The following FMNL2 variants were observed in gnomAD, a reference collection of about 807,000 sequenced individuals.
FMNL2 encodes the protein formin like 2.
A neutral mutation model predicts 130.2 loss-of-function variants in FMNL2; 51 were observed. That is an observed-to-expected ratio of 0.39 (90% CI 0.31 to 0.49). The LOEUF is 0.49. FMNL2 is among the 20% of genes least tolerant of loss of function. The probability of loss-of-function intolerance (pLI) is 0.85; values close to 1 mark genes in which losing one functional copy is unlikely to be tolerated. For missense variants in FMNL2, 977 were observed against 1,316.2 expected, an observed-to-expected ratio of 0.74 and a Z score of 3.99; for synonymous variants, 465 against 467.1, an observed-to-expected ratio of 1.00 and a Z score of 0.06.
intron 1 of FMNL2, among the ~76,000 whole-genome samples, chr2:152,463,053 A>G (rs1689334786): frequency 6.6e-6 from 1 of 152,214 alleles, no homozygotes; most frequent in Non-Finnish European, 1.5e-5. Flanking sequence ...TTCCTGGTAC[A>G]ACATATGATC....
chr2:152,428,018 C>T (rs940193992), intron 1 of FMNL2, among the ~76,000 whole-genome samples: 2 of 152,166 alleles, frequency 1.3e-5, no homozygotes, highest in Admixed American at 1.3e-4. Context: ...GGAAACTTTG[C>T]CATTGTCTTT....
chr2:152,533,005 T>C (rs1234104983), intron 2 of FMNL2, among the ~76,000 whole-genome samples: 3 of 152,246 alleles, frequency 2.0e-5, no homozygotes, highest in Non-Finnish European at 2.9e-5. Context: ...ACAGATACTT[T>C]GCAAATATTT....
chr2:152,575,063 G>A, intron 6 of FMNL2, 73 bp from the exon 7 acceptor site: 1 of 810,574 alleles, frequency 1.2e-6, no homozygotes, highest in Non-Finnish European at 2.0e-6. Flanking sequence ...GAAGAGTAGT[G>A]TCTGTTAAGT....
At chr2:152,557,588 A>AAAAC (rs1267523125) in intron 4 of FMNL2, among the ~76,000 whole-genome samples, 2 of 152,246 alleles carry the variant, frequency 1.3e-5, no homozygotes, top group African/African-American at 4.8e-5. Context: ...GCCAAAAATT[A>AAAAC]AAACAAACAA....
chr2:152,535,960 G>T (rs1490465329), intron 2 of FMNL2, among the ~76,000 whole-genome samples: 1 of 152,222 alleles, frequency 6.6e-6, no homozygotes, highest in Non-Finnish European at 1.5e-5. Context: ...TTTATTTTGG[G>T]GGAAACAATG....
At chr2:152,500,023 A>G (rs1215196432) in intron 1 of FMNL2, among the ~76,000 whole-genome samples, 2 of 152,144 alleles carry the variant, frequency 1.3e-5, no homozygotes, top group East Asian at 3.9e-4. Context: ...GAGATAGAGC[A>G]TTGACCCCTG....
intron 1 of FMNL2, among the ~76,000 whole-genome samples, chr2:152,351,976 C>T (rs1682513162): frequency 6.6e-6 from 1 of 152,144 alleles, no homozygotes; most frequent in Non-Finnish European, 1.5e-5. Flanking sequence ...GAAAGCAATT[C>T]TTATGCGTGT....
At chr2:152,425,785 G>A (rs1473180623) in intron 1 of FMNL2, among the ~76,000 whole-genome samples, 1 of 152,196 alleles carries the variant, frequency 6.6e-6, no homozygotes, top group Non-Finnish European at 1.5e-5. Context: ...TGAAGTCAAG[G>A]TGTAATGCCT....
chr2:152,591,087 G>A (rs2105776552), intron 9 of FMNL2, among the ~76,000 whole-genome samples: 1 of 134,962 alleles, frequency 7.4e-6, no homozygotes, highest in Non-Finnish European at 1.5e-5. Flanking sequence ...TCAGCTCACT[G>A]CAACCTCCGT....
At chr2:152,498,569 C>T (rs1395149064) in intron 1 of FMNL2, among the ~76,000 whole-genome samples, 1 of 152,108 alleles carries the variant, frequency 6.6e-6, no homozygotes, top group Admixed American at 6.5e-5. Flanking sequence ...TTTTACTCTT[C>T]CTTCTTCTAT....
intron 4 of FMNL2, among the ~76,000 whole-genome samples, chr2:152,554,125 C>G (rs1293554722): frequency 6.6e-6 from 1 of 152,096 alleles, no homozygotes; most frequent in Non-Finnish European, 1.5e-5. Context: ...TATTAAAATC[C>G]ATTGGCCAGG....
chr2:152,418,642 T>C (rs1686745256), intron 1 of FMNL2, among the ~76,000 whole-genome samples: 1 of 152,250 alleles, frequency 6.6e-6, no homozygotes, highest in Admixed American at 6.5e-5. Context: ...TTCATTCTTT[T>C]TTAAGGCTGA....
At chr2:152,504,392 A>G (rs888763518) in intron 1 of FMNL2, among the ~76,000 whole-genome samples, 1 of 151,978 alleles carries the variant, frequency 6.6e-6, no homozygotes. Flanking sequence ...GATTACAGGC[A>G]TGCACCACCA....
chr2:152,363,763 T>C (rs1683326032), intron 1 of FMNL2, among the ~76,000 whole-genome samples: 1 of 152,158 alleles, frequency 6.6e-6, no homozygotes, highest in African/African-American at 2.4e-5. Context: ...AGTTTCACCA[T>C]GTTGGCCAGC....
chr2:152,335,553 A>G lies in FMNL2; in HGVS notation c.-51A>G. The G allele has an allele frequency of 6.7e-7, 1 of 1,489,756 alleles. No homozygotes were observed. 92.3% of individuals were successfully genotyped at this position (1,489,756 alleles called of 1,614,324 possible). ...CCGCCGGGAGCTGTTCTGATTTCCG[A>G]CGCGCACGCTAGGGGCCCGGAGCAG... On this transcript the variant is annotated 5_prime_UTR_variant, in exon 1 of 26. Coordinates refer to ENST00000288670, the MANE Select transcript of FMNL2 (RefSeq NM_052905.4).
intron 1 of FMNL2, among the ~76,000 whole-genome samples, chr2:152,470,640 A>T (rs562584907): frequency 5.9e-5 from 9 of 152,354 alleles, no homozygotes; most frequent in African/African-American, 2.2e-4. Context: ...CGCATCAATA[A>T]AGATTGACAA....
intron 1 of FMNL2, among the ~76,000 whole-genome samples, chr2:152,353,091 T>G (rs971206116): frequency 2.0e-5 from 3 of 152,216 alleles, no homozygotes; most frequent in Admixed American, 6.5e-5. Flanking sequence ...TTTGAGTAGT[T>G]AACTGCCTAG....
intron 9 of FMNL2, among the ~76,000 whole-genome samples, chr2:152,596,570 C>G (rs1016744357): frequency 6.6e-6 from 1 of 152,152 alleles, no homozygotes; most frequent in Non-Finnish European, 1.5e-5. Context: ...ACTGAGGTCC[C>G]TAAAGAGCTT....
intron 1 of FMNL2, among the ~76,000 whole-genome samples, chr2:152,375,877 C>CTCTCTCTCTCTCTCTCTCTATATATA (rs796954245): frequency 1.8e-5 from 2 of 112,484 alleles, no homozygotes; most frequent in African/African-American, 3.5e-5. Flanking sequence ...CTCTCTCTCT[C>CTCTCTCTCTCTCTCTCTCTATATATA]TATATATATA....
Sources: gnomAD v4.1 joint callset for allele counts (sites outside exome capture counted in the v4.1 genomes callset) on GRCh38, gnomAD v4.1.1 for gene constraint, MANE v1.5 for transcripts, NCBI Gene and HGNC (gene_info 2026-07-23, HGNC 2026-07-21) for gene names.